The following NTM variants were observed in gnomAD, a reference collection of about 807,000 sequenced individuals.
NTM encodes the protein neurotrimin.
A neutral mutation model predicts 42.1 loss-of-function variants in NTM; 13 were observed. That is an observed-to-expected ratio of 0.31 (90% CI 0.20 to 0.49). NTM has a LOEUF of 0.49. Among genes scored for constraint, NTM ranks in the 20% least tolerant of loss-of-function variants. The pLI is 0.99. For missense variants in NTM, 373 were observed against 452.8 expected (o/e 0.82, Z 1.60); for synonymous variants, 187 against 179.2 (o/e 1.04, Z -0.35).
chr11:131,883,317 T>G (rs957476044), intron 1 of NTM, among the ~76,000 whole-genome samples: 7 of 152,220 alleles, frequency 4.6e-5, no homozygotes, highest in Non-Finnish European at 7.3e-5. Context: ...GACGGGGAAC[T>G]GGTGGGCTTC....
At chr11:131,714,254 T>C (rs1253581463) in intron 1 of NTM, among the ~76,000 whole-genome samples, 1 of 152,108 alleles carries the variant, frequency 6.6e-6, no homozygotes, top group East Asian at 1.9e-4. Flanking sequence ...AGTGGCGTGA[T>C]CTTGGCTCAC....
At chr11:131,397,349 A>G (rs1433786377) in intron 1 of NTM, among the ~76,000 whole-genome samples, 2 of 152,158 alleles carry the variant, frequency 1.3e-5, no homozygotes, top group South Asian at 2.1e-4. Flanking sequence ...TTATCATTTT[A>G]CCTTTTTAAG....
Position 131,931,311 on chromosome 11 carries a change from C to T in NTM, c.167+19663C>T, listed in dbSNP as rs112849234. On this transcript the variant is annotated intron_variant, in intron 2 of 8. Coordinates refer to ENST00000683400, the MANE Select transcript of NTM (RefSeq NM_001352005.2). ...AAAATTAGCTGGGCATGGTGGTATG[C>T]GCTTGTGGTCCCAGCTACTGGAGAG... Among the ~76,000 whole-genome samples the T allele has an allele frequency of 6.2e-3, 947 of 151,916 alleles. 11 individuals carry two copies. The highest frequency in any genetic ancestry group is 7.5e-3 in the Non-Finnish European group (510 of 67,976).
At chr11:131,674,034 T>C (rs1441340329) in intron 1 of NTM, among the ~76,000 whole-genome samples, 1 of 152,126 alleles carries the variant, frequency 6.6e-6, no homozygotes, top group African/African-American at 2.4e-5. Context: ...AGTGAAAATA[T>C]GTTATTTTAC....
intron 1 of NTM, among the ~76,000 whole-genome samples, chr11:131,549,330 G>A (rs1167444503): frequency 6.6e-6 from 1 of 152,074 alleles, no homozygotes; most frequent in Non-Finnish European, 1.5e-5. Flanking sequence ...CAAAAATTAT[G>A]TCTAGGGTCA....
At chr11:132,322,117 C>G (rs1362892979) in intron 7 of NTM, among the ~76,000 whole-genome samples, 3 of 151,960 alleles carry the variant, frequency 2.0e-5, no homozygotes, top group South Asian at 2.1e-4. Context: ...GAAACTGCAT[C>G]AACTAACGAG....
chr11:131,671,733 C>T lies in NTM; in HGVS notation c.83-239831C>T, dbSNP rs138353723. On this transcript the variant is annotated intron_variant, in intron 1 of 8. Coordinates refer to ENST00000683400, the MANE Select transcript of NTM (RefSeq NM_001352005.2). Reference sequence around the variant, plus strand: ...TGACAAAGCGCCCATCGACAGTGGTCGATCAAAGAAGTGGCATCGAAAGTG... The same window carrying T: ...TGACAAAGCGCCCATCGACAGTGGTTGATCAAAGAAGTGGCATCGAAAGTG... Among the ~76,000 whole-genome samples, 919 of 152,256 alleles carry T rather than the reference C, an allele frequency of 6.0e-3. 35 individuals are homozygous for T. Among genetic ancestry groups the T allele is most frequent in the Admixed American group, 0.052 (797 of 15,290 alleles).
chr11:131,608,524 C>A (rs1380975730), intron 1 of NTM, among the ~76,000 whole-genome samples: 1 of 152,176 alleles, frequency 6.6e-6, no homozygotes, highest in Admixed American at 6.5e-5. Flanking sequence ...CCCATCATTT[C>A]TTATGGTGAC....
At chr11:131,858,553 G>A (rs1004470998) in intron 1 of NTM, among the ~76,000 whole-genome samples, 1 of 152,164 alleles carries the variant, frequency 6.6e-6, no homozygotes, top group Non-Finnish European at 1.5e-5. Context: ...TTTTCCGCAC[G>A]CTGGTGGGCT....
At chr11:132,306,914 G>C (rs918024137) in intron 4 of NTM, among the ~76,000 whole-genome samples, 2 of 152,202 alleles carry the variant, frequency 1.3e-5, no homozygotes, top group Admixed American at 6.5e-5. Flanking sequence ...GTCAGGCACA[G>C]AGTCTGGTAT....
chr11:131,907,626 G>C (rs2054055655), intron 1 of NTM, among the ~76,000 whole-genome samples: 1 of 152,182 alleles, frequency 6.6e-6, no homozygotes, highest in African/African-American at 2.4e-5. Context: ...TATGCACGAA[G>C]GAAGGGAAGA....
chr11:131,551,107 G>A (rs1348689966), intron 1 of NTM, among the ~76,000 whole-genome samples: 1 of 152,198 alleles, frequency 6.6e-6, no homozygotes, highest in Admixed American at 6.5e-5. Flanking sequence ...CTAGGCTCAA[G>A]CAATCCTTTT....
At chr11:131,627,590 G>A (rs2063247710) in intron 1 of NTM, among the ~76,000 whole-genome samples, 1 of 152,060 alleles carries the variant, frequency 6.6e-6, no homozygotes, top group Admixed American at 6.5e-5. Context: ...CCAGCATTTT[G>A]GGAGGCTGAG....
At chr11:131,748,153 C>G (rs1005185835) in intron 1 of NTM, among the ~76,000 whole-genome samples, 8 of 152,216 alleles carry the variant, frequency 5.3e-5, no homozygotes, top group Admixed American at 2.0e-4. Context: ...GTCACTCAAC[C>G]AAGTCTGTTA....
At chr11:131,747,970 A>AC (rs1326076948) in intron 1 of NTM, among the ~76,000 whole-genome samples, 2 of 152,212 alleles carry the variant, frequency 1.3e-5, no homozygotes, top group African/African-American at 4.8e-5. Flanking sequence ...GCCGGGCACC[A>AC]CATAGCACCT....
intron 1 of NTM, among the ~76,000 whole-genome samples, chr11:131,523,068 A>G (rs762706984): frequency 6.6e-6 from 1 of 152,212 alleles, no homozygotes; most frequent in African/African-American, 2.4e-5. Flanking sequence ...TGAGTGCATC[A>G]TCTTTGAGAT....
chr11:131,792,259 C>A (rs1031931916), intron 1 of NTM, among the ~76,000 whole-genome samples: 2 of 152,114 alleles, frequency 1.3e-5, no homozygotes, highest in Non-Finnish European at 2.9e-5. Flanking sequence ...AAATAAACAA[C>A]AAATGCAAAA....
chr11:131,609,427 C>T (rs576666236), intron 1 of NTM, among the ~76,000 whole-genome samples: 1 of 152,326 alleles, frequency 6.6e-6, no homozygotes, highest in South Asian at 2.1e-4. Flanking sequence ...ACCTTGCCCA[C>T]ACTCAGTAGT....
intron 1 of NTM, among the ~76,000 whole-genome samples, chr11:131,558,518 A>G (rs1411293869): frequency 6.6e-6 from 1 of 152,128 alleles, no homozygotes; most frequent in East Asian, 1.9e-4. Flanking sequence ...TCTTAGAGCT[A>G]CAAGTCTGTT....
Sources: allele counts gnomAD v4.1 joint callset (sites outside exome capture counted in the v4.1 genomes callset), GRCh38; gene constraint gnomAD v4.1.1; transcripts MANE v1.5; gene names NCBI Gene and HGNC (gene_info 2026-07-23, HGNC 2026-07-21).